PTPRQ: variants seen among roughly 807,000 people sequenced by gnomAD.
PTPRQ encodes phosphatidylinositol phosphatase PTPRQ.
Under a neutral mutation model 246.0 loss-of-function variants are expected in PTPRQ, and 199 were observed. That is an observed-to-expected ratio of 0.81 (90% confidence interval 0.72 to 0.91). The LOEUF is 0.91. PTPRQ is among the 40% of genes least tolerant of loss of function. PTPRQ has a pLI of 0.00. For synonymous variants in PTPRQ, 869 were observed against 853.2 expected, an observed-to-expected ratio of 1.02 and a Z score of -0.32; for missense variants, 2,624 against 2,528.4, an observed-to-expected ratio of 1.04 and a Z score of -0.81.
intron 11 of PTPRQ, 37 bp from the exon 12 acceptor site, chr12:80,495,155 C>T (rs1481795313): frequency 1.9e-6 from 3 of 1,547,376 alleles, no homozygotes; most frequent in Non-Finnish European, 2.6e-6. Context: ...CACTGTGATA[C>T]TTTTTTTTCA....
intron 17 of PTPRQ, among the ~76,000 whole-genome samples, chr12:80,523,909 C>T (rs2120767349): frequency 6.6e-6 from 1 of 152,210 alleles, no homozygotes; most frequent in African/African-American, 2.4e-5. Context: ...AGTTCCATTC[C>T]TGGATATCCT....
intron 43 of PTPRQ, 89 bp from the exon 44 acceptor site, chr12:80,678,513 C>T (rs1300076361): frequency 2.3e-5 from 32 of 1,362,254 alleles, no homozygotes; most frequent in Middle Eastern, 4.8e-4. Flanking sequence ...TTGATGAATT[C>T]AGTACTGCTT....
intron 19 of PTPRQ, among the ~76,000 whole-genome samples, chr12:80,536,779 G>C (rs1456946803): frequency 1.3e-5 from 2 of 152,148 alleles, no homozygotes; most frequent in Non-Finnish European, 2.9e-5. Flanking sequence ...GTTTACAATT[G>C]TAACAATATG....
intron 8 of PTPRQ, among the ~76,000 whole-genome samples, chr12:80,479,858 C>T (rs1034549995): frequency 2.2e-4 from 34 of 152,004 alleles, no homozygotes; most frequent in Non-Finnish European, 3.4e-4. Flanking sequence ...TACAGGAGCA[C>T]CCAGATTCAT....
intron 25 of PTPRQ, among the ~76,000 whole-genome samples, chr12:80,577,549 C>T (rs531773138): frequency 6.6e-5 from 10 of 152,274 alleles, no homozygotes; most frequent in African/African-American, 2.4e-4. Context: ...TATTGGCCTC[C>T]AAACAGAATA....
intron 17 of PTPRQ, among the ~76,000 whole-genome samples, chr12:80,529,819 T>A (rs559330719): frequency 2.2e-4 from 33 of 152,290 alleles, no homozygotes; most frequent in African/African-American, 7.9e-4. Flanking sequence ...AATTAAATTT[T>A]TTTTTCATTT....
chr12:80,647,079 A>G (rs930456583), intron 35 of PTPRQ, among the ~76,000 whole-genome samples: 7 of 152,170 alleles, frequency 4.6e-5, no homozygotes, highest in Non-Finnish European at 1.0e-4. Context: ...CATCTACTTT[A>G]GATTCTAGTT....
intron 35 of PTPRQ, among the ~76,000 whole-genome samples, chr12:80,646,712 A>T (rs1434280770): frequency 6.6e-6 from 1 of 152,080 alleles, no homozygotes; most frequent in Non-Finnish European, 1.5e-5. Flanking sequence ...AAAAATCTGA[A>T]TTTCACAGCA....
chr12:80,496,373 A>C lies in PTPRQ; in HGVS notation c.2114A>C (p.Asn705Thr), dbSNP rs769602893. 5.8e-6 allele frequency: 9 copies of C among 1,550,610 alleles called. No individual in the cohort carries two copies. The highest frequency in any genetic ancestry group is 7.9e-6 in the Non-Finnish European group (9 of 1,146,296). Residue 705 changes from asparagine (N) to threonine (T), a missense_variant, in exon 14 of 45, where the codon AAT (asparagine) becomes ACT (threonine). Transcript: ENST00000644991. ...IIIAYEVLYK[N>T]IDTLYMKNTS... ...ATTGCTTATGAAGTGCTATATAAAA[A>C]TATAGATACTTTATATATGAAGAAC...
At chr12:80,638,267 T>TAA (rs148232481) in intron 35 of PTPRQ, among the ~76,000 whole-genome samples, 8,100 of 138,596 alleles carry the variant, frequency 0.058, 809 homozygotes, top group African/African-American at 0.2. Context: ...GAAACTCCGT[T>TAA]AAAAAAAAAA....
At chr12:80,555,060 G>A (rs1896606032) in intron 25 of PTPRQ, among the ~76,000 whole-genome samples, 1 of 151,988 alleles carries the variant, frequency 6.6e-6, no homozygotes, top group Non-Finnish European at 1.5e-5. Flanking sequence ...GATCATAGGT[G>A]TGCACCACCA....
At chr12:80,518,808 C>T (rs551741601) in intron 17 of PTPRQ, among the ~76,000 whole-genome samples, 3 of 151,908 alleles carry the variant, frequency 2.0e-5, no homozygotes, top group Non-Finnish European at 2.9e-5. Flanking sequence ...CTTGTTTCTG[C>T]GTTCTCTATT....
At chr12:80,561,096 C>CT (rs1896810109) in intron 25 of PTPRQ, 4 of 152,348 alleles carry the variant, frequency 2.6e-5, no homozygotes, top group Admixed American at 2.6e-4. Flanking sequence ...TATTTCTCTG[C>CT]TAGTTTGACG....
intron 39 of PTPRQ, among the ~76,000 whole-genome samples, chr12:80,664,440 C>T (rs1163008): frequency 0.5 from 75,262 of 151,790 alleles, 20,993 homozygotes; most frequent in African/African-American, 0.77. Context: ...AGCCAACCCT[C>T]TCACTTGGAC....
intron 17 of PTPRQ, among the ~76,000 whole-genome samples, chr12:80,518,254 A>G (rs1303077188): frequency 3.3e-5 from 5 of 152,092 alleles, no homozygotes; most frequent in African/African-American, 1.2e-4. Flanking sequence ...GCACCTTTTC[A>G]TAAGCCCCCT....
chr12:80,520,863 T>G (rs1895459582), intron 17 of PTPRQ, among the ~76,000 whole-genome samples: 1 of 152,018 alleles, frequency 6.6e-6, no homozygotes, highest in Non-Finnish European at 1.5e-5. Context: ...TATAATCCTT[T>G]GGGTATATAT....
chr12:80,541,171 T>C (rs1052902846), intron 20 of PTPRQ, among the ~76,000 whole-genome samples: 2 of 152,120 alleles, frequency 1.3e-5, no homozygotes, highest in South Asian at 2.1e-4. Context: ...ACAACAAGGG[T>C]AATATTTAGA....
rs1367234866 is a variant in PTPRQ at position 80,620,383 on chromosome 12, A to G, written c.5612+7A>G. ...AACCAAAAAAGCAATACTTGTAAGT[A>G]TAGGTTATATCTACCATGCATTCTG... On this transcript the variant is annotated splice_region_variant and intron_variant, in intron 32 of 44. Transcript: ENST00000644991. The G allele has an allele frequency of 3.9e-6, 6 of 1,548,262 alleles. No homozygotes were observed. The highest frequency in any genetic ancestry group is 2.4e-5 in the South Asian group (2 of 83,876).
At chr12:80,487,321 T>C (rs757980615) in intron 9 of PTPRQ, among the ~76,000 whole-genome samples, 5 of 152,090 alleles carry the variant, frequency 3.3e-5, no homozygotes, top group African/African-American at 9.7e-5. Context: ...GGGACAGTGA[T>C]AGTGACCTGT....
Sources: gnomAD v4.1 joint callset for allele counts (sites outside exome capture counted in the v4.1 genomes callset) on GRCh38, gnomAD v4.1.1 for gene constraint, MANE v1.5 for transcripts, NCBI Gene and HGNC (gene_info 2026-07-23, HGNC 2026-07-21) for gene names.